Variants in CFAP46 observed in about 807,000 individuals in gnomAD.
The protein encoded by CFAP46 is cilia and flagella associated protein 46, also known as cilia- and flagella-associated protein 46.
In CFAP46, 245 loss-of-function variants were observed where a neutral mutation model predicts 325.7. That is an observed-to-expected ratio of 0.75 (90% CI 0.68 to 0.84). The LOEUF is 0.84. Ranked by LOEUF, CFAP46 falls within the 40% of genes least tolerant of loss-of-function variation. The pLI is 0.00. For missense variants in CFAP46, 3,346 were observed against 3,543.0 expected, an observed-to-expected ratio of 0.94 and a Z score of 1.41; for synonymous variants, 1,523 against 1,495.9, an observed-to-expected ratio of 1.02 and a Z score of -0.42.
intron 22 of CFAP46, among the ~76,000 whole-genome samples, chr10:132,902,098 T>G (rs1449046208): frequency 6.6e-6 from 1 of 152,240 alleles, no homozygotes; most frequent in Non-Finnish European, 1.5e-5. Context: ...TTTATCCCAC[T>G]TGGGATTCCT....
In CFAP46 at chr10:132,908,523, C is replaced by T. The variant is rs750064527; in HGVS notation, c.2869G>A (p.Ala957Thr). Reference protein sequence around the residue: ...HAARDHETTMACAHRALEMGI... With the variant: ...HAARDHETTMTCAHRALEMGI... ...ATCTCCAGAGCCCTGTGAGCACAGG[C>T]CATGGTGGTCTCATGGTCACGCGCT... Residue 957 changes from alanine (A) to threonine (T), a missense_variant, in exon 22 of 58, where the codon GCC becomes ACC. Coordinates refer to ENST00000368586, the MANE Select transcript of CFAP46 (RefSeq NM_001200049.3). 1.3e-6 allele frequency: 2 copies of T among 1,550,554 alleles called. No individual in the cohort carries two copies. Among genetic ancestry groups the T allele is most frequent in the South Asian group, 2.4e-5 (2 of 84,062 alleles).
At position 132,846,108 on chromosome 10, in the gene CFAP46, G is replaced by A. The variant is rs143293571; in HGVS notation, c.6387C>T (p.Thr2129=). The A allele has an allele frequency of 5.3e-4, 850 of 1,607,654 alleles. 9 individuals are homozygous for A. In the Middle Eastern group the frequency reaches 8.8e-3, roughly 17 times the overall value. The part of the protein sequence containing the change: ...LQHQLRCQDR[T]TTSLGARVEQ... ...CCACACGGGCGCCCAGGCTGGTGGT[G>A]GTCCTGTCTTGGCACCGGAGCTGGT... The change falls in exon 44 of 58, where the codon ACC becomes ACT. Residue 2129 remains threonine (T), a synonymous_variant. Coordinates refer to ENST00000368586, the MANE Select transcript of CFAP46 (RefSeq NM_001200049.3).
Position 132,910,063 on chromosome 10 carries a change from G to A in CFAP46, c.2505C>T (p.Cys835=), listed in dbSNP as rs746928952. Residue 835 remains cysteine, a synonymous_variant, in exon 20 of 58, where the codon TGC becomes TGT. Coordinates refer to ENST00000368586, the MANE Select transcript of CFAP46 (RefSeq NM_001200049.3). ...TSEIKTAVEV[C]EFALNLTNGS... ...CATTGGTCAGGTTCAGGGCAAACTC[G>A]CAGACCTAGGACAGACGTGTTCTCG... 895 of 1,492,610 alleles carry A rather than the reference G, an allele frequency of 6.0e-4. 1 individual carries two copies. The highest frequency in any genetic ancestry group is 7.4e-4 in the Non-Finnish European group (831 of 1,121,186). The allele number at this position is 1,492,610 out of a possible 1,614,324, so 92.5% of individuals were successfully genotyped here.
Position 132,832,703 on chromosome 10 carries a change from G to C in CFAP46, c.7117+655C>G. ...GCGCTCGGGGAAGCTTCACAACCGG[G>C]GCACGTCTGCACAGCCAGCACTCAG... On this transcript the variant is annotated intron_variant, in intron 50 of 57. Coordinates refer to ENST00000368586, the MANE Select transcript of CFAP46 (RefSeq NM_001200049.3). The surrounding 1 kb of genome is among the most constrained non-coding windows in gnomAD (Gnocchi z 4.1). The C allele has an allele frequency of 2.2e-6, 1 of 463,526 alleles. No individual in the cohort carries two copies. Among genetic ancestry groups the C allele is most frequent in the South Asian group, 1.6e-5 (1 of 64,404 alleles). The allele number at this position is 463,526 out of a possible 1,614,324, so 28.7% of individuals were successfully genotyped here. A position where few individuals can be genotyped will look rare whatever the true frequency, so the allele number is the denominator to read the frequency against.
Position 132,860,908 on chromosome 10 carries a change from A to G in CFAP46, c.4965T>C (p.Tyr1655=), listed in dbSNP as rs1019559491. ...LAQLANKEKN[Y]GQAKKMIAQA... ...GTGCGATCATTTTCTTGGCTTGTCC[A>G]TAGTTTTTCTCCTTGTTGGCCAACT... is the stretch of plus-strand genomic sequence containing the variant. The change falls in exon 36 of 58, where the codon TAT becomes TAC. Residue 1655 remains tyrosine, a synonymous_variant. Transcript: ENST00000368586. The G allele has an allele frequency of 3.2e-6, 5 of 1,550,626 alleles. No homozygotes were observed. The highest frequency in any genetic ancestry group is 2.4e-5 in the South Asian group (2 of 84,068).
rs1440628446 is a variant in CFAP46 at position 132,828,507 on chromosome 10, G to T, written c.7117+4851C>A. On this transcript the variant is annotated intron_variant, in intron 50 of 57. Coordinates refer to ENST00000368586, the MANE Select transcript of CFAP46 (RefSeq NM_001200049.3). The surrounding 1 kb of genome is among the most constrained non-coding windows in gnomAD (Gnocchi z 4.9). ...TGCTATCTAAATCTTTTCTCGTGAA[G>T]TATCTGTTCAAATCTTTTTTAGGGT... Among the ~76,000 whole-genome samples the T allele has an allele frequency of 1.3e-5, 2 of 152,190 alleles. No homozygotes were observed. Among genetic ancestry groups the T allele is most frequent in the Non-Finnish European group, 2.9e-5 (2 of 68,042 alleles).
intron 50 of CFAP46, among the ~76,000 whole-genome samples, chr10:132,815,747 C>G (rs1403000377): frequency 6.6e-6 from 1 of 152,148 alleles, no homozygotes; most frequent in Non-Finnish European, 1.5e-5. Flanking sequence ...GATTGTGCCA[C>G]TGGACTCCAG....
intron 50 of CFAP46, among the ~76,000 whole-genome samples, chr10:132,825,978 A>C (rs1165502443): frequency 6.6e-6 from 1 of 152,122 alleles, no homozygotes; most frequent in Non-Finnish European, 1.5e-5. Context: ...CCACGGAGCC[A>C]GGCAGGAACC....
chr10:132,922,354 C>A (rs1009648610), intron 12 of CFAP46, 126 bp downstream of exon 12: 3 of 1,452,002 alleles, frequency 2.1e-6, no homozygotes, highest in East Asian at 2.5e-5. Flanking sequence ...AGTGACAGCT[C>A]GGTCCCAGGC....
chr10:132,832,776 C>A lies in CFAP46; in HGVS notation c.7117+582G>T, dbSNP rs754714632. On this transcript the variant is annotated intron_variant, in intron 50 of 57. Transcript: ENST00000368586. This position sits in a 1 kb window ranked among gnomAD's most constrained non-coding sequence, Gnocchi z 4.1. ...AATCCCAGCCGAGGTCAGGGCCTTC[C>A]GCGCGCTCCCTCGTGCTTTTCACTG... 4.2e-6 allele frequency: 2 copies of A among 471,192 alleles called. No individual in the cohort carries two copies. Among genetic ancestry groups the A allele is most frequent in the Non-Finnish European group, 8.8e-6 (2 of 227,092 alleles). The allele number at this position is 471,192 out of a possible 1,614,324, so 29.2% of individuals were successfully genotyped here.
In CFAP46 at chr10:132,922,719, G is replaced by T. The variant is rs565425708; in HGVS notation, c.1257-11C>A. The T allele has an allele frequency of 1.3e-6, 2 of 1,541,300 alleles. No individual in the cohort carries two copies. The highest frequency in any genetic ancestry group is 1.8e-6 in the Non-Finnish European group (2 of 1,140,082). ...AGAAGCGTCATGAGGCTGCGGGGGT[G>T]GCGTGGCATCAGGGGCCCTGGCGGC... is the stretch of plus-strand genomic sequence containing the variant. On this transcript the variant is annotated splice_polypyrimidine_tract_variant and intron_variant, in intron 11 of 57. Transcript: ENST00000368586.
chr10:132,915,541 C>G lies in CFAP46; in HGVS notation c.2120+1008G>C, dbSNP rs905919368. ...TGGCTTTCCTTCTGCCCCAAGGGACCGGCGAGGGCGGGGCGCCGTGCCCAG... is the reference window on the plus strand; with the variant it reads ...TGGCTTTCCTTCTGCCCCAAGGGACGGGCGAGGGCGGGGCGCCGTGCCCAG... On this transcript the variant is annotated intron_variant, in intron 17 of 57. Coordinates refer to ENST00000368586, the MANE Select transcript of CFAP46 (RefSeq NM_001200049.3). Among the ~76,000 whole-genome samples, 9 of 152,122 alleles carry G rather than the reference C, an allele frequency of 5.9e-5. No individual in the cohort carries two copies. In the South Asian group the frequency reaches 1.7e-3, roughly 28 times the overall value.
intron 24 of CFAP46, among the ~76,000 whole-genome samples, chr10:132,896,676 A>G (rs1849325143): frequency 6.6e-6 from 1 of 152,230 alleles, no homozygotes; most frequent in African/African-American, 2.4e-5. Flanking sequence ...GCAGTATTCA[A>G]CGCAATCCCT....
At chr10:132,816,902 C>A (rs994061932) in intron 50 of CFAP46, among the ~76,000 whole-genome samples, 1 of 152,158 alleles carries the variant, frequency 6.6e-6, no homozygotes, top group Non-Finnish European at 1.5e-5. Flanking sequence ...AGATGCGGGC[C>A]GTCTGCCTGT....
At chr10:132,893,460 G>C (rs1849281001) in intron 24 of CFAP46, among the ~76,000 whole-genome samples, 1 of 152,172 alleles carries the variant, frequency 6.6e-6, no homozygotes. Context: ...GGGTGAACCT[G>C]GGATTCATTT....
chr10:132,885,157 C>T lies in CFAP46; in HGVS notation c.3573G>A (p.Ser1191=), dbSNP rs763916579. The T allele has an allele frequency of 1.7e-5, 27 of 1,550,176 alleles. No homozygotes were observed. In the South Asian group the frequency reaches 2.0e-4, roughly 12 times the overall value. ...ARMWHRLALN[S]PSVSGELACY... ...AGGCCAGCTCTCCAGACACGCTCGG[C>T]GAGTTCAGGGCCAGGCGGTGCCACA... is the stretch of plus-strand genomic sequence containing the variant. The change falls in exon 27 of 58, where the codon TCG becomes TCA. Residue 1191 remains serine, a synonymous_variant. Coordinates refer to ENST00000368586, the MANE Select transcript of CFAP46 (RefSeq NM_001200049.3).
chr10:132,915,602 G>A (rs576395230), intron 17 of CFAP46, among the ~76,000 whole-genome samples: 71 of 151,176 alleles, frequency 4.7e-4, no homozygotes, highest in Non-Finnish European at 7.5e-4. Context: ...GCGGGGCGCC[G>A]TGCCCAGCTT....
At chr10:132,850,784 A>G (rs981391669) in intron 40 of CFAP46, among the ~76,000 whole-genome samples, 1 of 151,862 alleles carries the variant, frequency 6.6e-6, no homozygotes, top group Non-Finnish European at 1.5e-5. Context: ...TTTTTTTTTT[A>G]CCAAAATGGA....
chr10:132,902,718 C>T (rs554014214), intron 22 of CFAP46, among the ~76,000 whole-genome samples: 3 of 152,180 alleles, frequency 2.0e-5, no homozygotes, highest in Admixed American at 2.0e-4. Context: ...TTATGCTGGA[C>T]GTCGTGAGGG....
Sources: allele counts gnomAD v4.1 joint callset (sites outside exome capture counted in the v4.1 genomes callset), GRCh38; gene constraint gnomAD v4.1.1; non-coding constraint Gnocchi (gnomAD v3.1); transcripts MANE v1.5; gene names NCBI Gene and HGNC (gene_info 2026-07-23, HGNC 2026-07-21).